Variants in NBAS observed in about 807,000 individuals in gnomAD.
The protein encoded by NBAS is NBAS subunit of NRZ tethering complex.
In NBAS, 219 loss-of-function variants were observed where a neutral mutation model predicts 302.5. The observed-to-expected ratio is 0.72, with a 90% CI of 0.65 to 0.81. NBAS has a LOEUF of 0.81. Ranked by LOEUF, NBAS falls within the 30% of genes least tolerant of loss-of-function variation. The pLI is 0.00. For synonymous variants in NBAS, 1,118 were observed against 1,021.6 expected, an observed-to-expected ratio of 1.09 and a Z score of -1.80; for missense variants, 2,932 against 2,841.6, an observed-to-expected ratio of 1.03 and a Z score of -0.72.
chr2:15,210,225 T>A (rs1020064698), intron 48 of NBAS, among the ~76,000 whole-genome samples: 2 of 151,992 alleles, frequency 1.3e-5, no homozygotes, highest in Admixed American at 1.3e-4. Flanking sequence ...AAACTACTCA[T>A]CTGACAAGGG....
the NBAS span, among the ~76,000 whole-genome samples, chr2:14,916,253 C>T: frequency 6.6e-6 from 1 of 152,052 alleles, no homozygotes; most frequent in African/African-American, 2.4e-5. Flanking sequence ...ACCTTGGTTC[C>T]CCATCTGTAA....
intron 44 of NBAS, among the ~76,000 whole-genome samples, chr2:15,259,431 C>T (rs1223361065): frequency 6.6e-6 from 1 of 152,218 alleles, no homozygotes; most frequent in African/African-American, 2.4e-5. Context: ...TCAAAGCTGT[C>T]AGTAGAATGC....
chr2:14,844,693 G>A, the NBAS span, among the ~76,000 whole-genome samples: 1 of 152,156 alleles, frequency 6.6e-6, no homozygotes, highest in East Asian at 1.9e-4. Flanking sequence ...GTGAGGCCCA[G>A]ACCAGGCAGC....
intron 9 of NBAS, among the ~76,000 whole-genome samples, chr2:15,531,006 G>C (rs1663187978): frequency 1.3e-5 from 2 of 152,054 alleles, no homozygotes; most frequent in Admixed American, 1.3e-4. Flanking sequence ...CTAGAAGCTA[G>C]AAGAAAATAG....
intron 3 of NBAS, among the ~76,000 whole-genome samples, chr2:15,554,908 A>C (rs2148714658): frequency 6.6e-6 from 1 of 152,276 alleles, no homozygotes; most frequent in East Asian, 1.9e-4. Flanking sequence ...GCATAAGTTC[A>C]AAATAAAACC....
chr2:15,255,800 G>A (rs79244209), intron 44 of NBAS, among the ~76,000 whole-genome samples: 1 of 152,112 alleles, frequency 6.6e-6, no homozygotes, highest in African/African-American at 2.4e-5. Flanking sequence ...ACCATTTGTT[G>A]AATAGAGTGA....
At chr2:15,312,492 G>C (rs1671324193) in intron 38 of NBAS, among the ~76,000 whole-genome samples, 1 of 152,018 alleles carries the variant, frequency 6.6e-6, no homozygotes. Flanking sequence ...GCCCAAGCTG[G>C]TCTTGAACTG....
intron 23 of NBAS, among the ~76,000 whole-genome samples, chr2:15,421,465 TC>T (rs1677209668): frequency 6.6e-6 from 1 of 152,014 alleles, no homozygotes; most frequent in Admixed American, 6.6e-5. Context: ...AATAAACATT[TC>T]CCTAAACCAA....
intron 3 of NBAS, among the ~76,000 whole-genome samples, chr2:15,554,758 GA>G (rs1336987112): frequency 6.6e-6 from 1 of 151,530 alleles, no homozygotes; most frequent in African/African-American, 2.4e-5. Flanking sequence ...GGAGACTAAA[GA>G]CTCTCTTCTC....
At chr2:15,240,674 T>G (rs1667829931) in intron 44 of NBAS, among the ~76,000 whole-genome samples, 1 of 152,002 alleles carries the variant, frequency 6.6e-6, no homozygotes, top group African/African-American at 2.4e-5. Flanking sequence ...ATATAAATAT[T>G]GATAAAAGAG....
the NBAS span, among the ~76,000 whole-genome samples, chr2:14,887,079 A>G: frequency 1.3e-5 from 2 of 152,198 alleles, no homozygotes; most frequent in African/African-American, 4.8e-5. Flanking sequence ...ATAAACTTGC[A>G]TAATTCATAT....
the NBAS span, among the ~76,000 whole-genome samples, chr2:15,095,130 T>C: frequency 6.6e-6 from 1 of 152,182 alleles, no homozygotes. Context: ...TGGCCCTGCT[T>C]ATTTTTATTA....
the NBAS span, among the ~76,000 whole-genome samples, chr2:15,136,334 A>G: frequency 6.6e-6 from 1 of 152,218 alleles, no homozygotes; most frequent in Non-Finnish European, 1.5e-5. Context: ...TCCTTATGAA[A>G]TGGCAAATTT....
chr2:15,374,982 T>C (rs1315446770), intron 30 of NBAS, among the ~76,000 whole-genome samples: 2 of 152,142 alleles, frequency 1.3e-5, no homozygotes, highest in Non-Finnish European at 2.9e-5. Flanking sequence ...CAGTACATAA[T>C]GGCATCATGG....
chr2:15,356,543 G>A (rs1413244872), intron 32 of NBAS, 127 bp from the exon 33 acceptor site: 10 of 757,744 alleles, frequency 1.3e-5, no homozygotes, highest in Admixed American at 1.0e-4. Context: ...TTTAAATGAT[G>A]AGAGGAAAAA....
intron 1 of NBAS, among the ~76,000 whole-genome samples, chr2:15,559,810 G>C (rs561220116): frequency 4.1e-4 from 62 of 152,246 alleles, no homozygotes; most frequent in African/African-American, 1.3e-3. Flanking sequence ...ATCAATTTAT[G>C]GTAAGCATTC....
At chr2:14,846,459 G>A in the NBAS span, among the ~76,000 whole-genome samples, 1 of 147,928 alleles carries the variant, frequency 6.8e-6, no homozygotes, top group Admixed American at 6.7e-5. Flanking sequence ...AAAAAAGGAT[G>A]TTAATGAACA....
chr2:15,166,175 G>C (rs1664015962), downstream of NBAS, among the ~76,000 whole-genome samples: 1 of 152,184 alleles, frequency 6.6e-6, no homozygotes, highest in Non-Finnish European at 1.5e-5. Context: ...CCTTGTGTGG[G>C]AGGTTTTCCT....
intron 32 of NBAS, among the ~76,000 whole-genome samples, chr2:15,365,665 T>C (rs12991640): frequency 0.52 from 78,796 of 152,040 alleles, 23,489 homozygotes; most frequent in Non-Finnish European, 0.68. Flanking sequence ...ATGCTGATGC[T>C]ATACCTTCAC....
Sources: allele counts gnomAD v4.1 joint callset (sites outside exome capture counted in the v4.1 genomes callset), GRCh38; gene constraint gnomAD v4.1.1; transcripts MANE v1.5; gene names NCBI Gene and HGNC (gene_info 2026-07-23, HGNC 2026-07-21).